The following ALCAM variants were observed in gnomAD, a reference collection of about 807,000 sequenced individuals.
The protein encoded by ALCAM is CD166 antigen.
In ALCAM, 30 loss-of-function variants were observed where a neutral mutation model predicts 70.9. That is an observed-to-expected ratio of 0.42 (90% CI 0.32 to 0.57). The LOEUF (loss-of-function observed/expected upper bound fraction) is 0.57. ALCAM is among the 20% of genes least tolerant of loss of function. The pLI is 0.11. For missense variants in ALCAM, 591 were observed against 695.1 expected (o/e 0.85, Z 1.68); for synonymous variants, 249 against 242.5 (o/e 1.03, Z -0.25).
intron 6 of ALCAM, among the ~76,000 whole-genome samples, chr3:105,537,707 T>A (rs1027051591): frequency 2.6e-5 from 4 of 152,160 alleles, no homozygotes; most frequent in African/African-American, 7.2e-5. Context: ...TAGTCTCATG[T>A]AATGATGGCT....
intron 7 of ALCAM, 90 bp from the exon 8 acceptor site, chr3:105,541,543 C>T: frequency 2.9e-6 from 4 of 1,363,560 alleles, no homozygotes; most frequent in South Asian, 2.9e-5. Context: ...TTTTATCTTA[C>T]TTGATAAAAT....
rs1935246267 is a variant in ALCAM, at chr3:105,371,923, A to G, written c.73+4442A>G. 1.3e-5 allele frequency among the ~76,000 whole-genome samples: 2 copies of G among 152,196 alleles called. 1 individual carries two copies. The highest frequency in any genetic ancestry group is 4.1e-4 in the South Asian group (2 of 4,836). ...TTATTCTTCATTGTTAAGTATTCAC[A>G]GAGGCTAATCTCATTTCTTACACAT... On this transcript the variant is annotated intron_variant, in intron 1 of 15. Transcript: ENST00000306107.
At chr3:105,504,194 A>G (rs1199387629) in intron 1 of ALCAM, among the ~76,000 whole-genome samples, 4 of 152,250 alleles carry the variant, frequency 2.6e-5, no homozygotes, top group Admixed American at 6.5e-5. Flanking sequence ...CCACTGCTCA[A>G]ACCTCTAGGG....
intron 3 of ALCAM, 26 bp downstream of exon 3, chr3:105,524,534 G>C: frequency 1.9e-6 from 3 of 1,613,294 alleles, no homozygotes; most frequent in Non-Finnish European, 2.5e-6. Context: ...CAGTGTCACT[G>C]CTAAGTGGGA....
At chr3:105,471,389 T>C (rs758908117) in intron 1 of ALCAM, among the ~76,000 whole-genome samples, 2 of 151,226 alleles carry the variant, frequency 1.3e-5, no homozygotes, top group Non-Finnish European at 3.0e-5. Flanking sequence ...CTGATTATTA[T>C]CCCACAAAAA....
chr3:105,561,028 C>G (rs1488326902), intron 14 of ALCAM, among the ~76,000 whole-genome samples: 1 of 152,150 alleles, frequency 6.6e-6, no homozygotes, highest in Non-Finnish European at 1.5e-5. Context: ...AATCCATGAT[C>G]ATATATCTCC....
At chr3:105,380,608 A>G (rs1401026142) in intron 1 of ALCAM, among the ~76,000 whole-genome samples, 1 of 151,942 alleles carries the variant, frequency 6.6e-6, no homozygotes, top group Non-Finnish European at 1.5e-5. Context: ...AAGTCTAATT[A>G]AGGAAAAAAA....
rs972880774 is a variant in ALCAM at position 105,552,665 on chromosome 3, A to G, written c.1664+80A>G. On this transcript the variant is annotated intron_variant, in intron 14 of 15. Coordinates refer to ENST00000306107, the MANE Select transcript of ALCAM (RefSeq NM_001627.4). ...ACAATGTGCTAATTTTGCTCACTCC[A>G]GTCGTGCATATAATTTATACAATAA... 129 of 1,599,440 alleles carry G rather than the reference A, an allele frequency of 8.1e-5. 1 individual carries two copies. The highest frequency in any genetic ancestry group is 9.8e-5 in the Non-Finnish European group (115 of 1,171,204).
intron 1 of ALCAM, among the ~76,000 whole-genome samples, chr3:105,494,089 C>T (rs775177981): frequency 1.3e-5 from 2 of 152,070 alleles, no homozygotes; most frequent in Non-Finnish European, 2.9e-5. Flanking sequence ...TTCATTTCCT[C>T]TACCGTAGAA....
intron 1 of ALCAM, among the ~76,000 whole-genome samples, chr3:105,387,180 G>T (rs535268961): frequency 6.6e-6 from 1 of 151,472 alleles, no homozygotes; most frequent in South Asian, 2.1e-4. Flanking sequence ...TGAGGTTGCT[G>T]CTATAGGGAA....
chr3:105,571,737 G>A lies in ALCAM; in HGVS notation c.1665-115G>A, dbSNP rs149403598. On this transcript the variant is annotated intron_variant, in intron 14 of 15. Coordinates refer to ENST00000306107, the MANE Select transcript of ALCAM (RefSeq NM_001627.4). ...ACAGATATGGAAATTTTTGCCTAGC[G>A]GTTTGCTGTAAAACATTTGCTTTTC... The A allele has an allele frequency of 3.8e-3, 2,870 of 763,392 alleles. 14 individuals carry two copies. The highest frequency in any genetic ancestry group is 3.9e-3 in the Non-Finnish European group (1,936 of 491,394). 47.3% of individuals were successfully genotyped at this position (763,392 alleles called of 1,614,324 possible). A position where few individuals can be genotyped will look rare whatever the true frequency, so the allele number is the denominator to read the frequency against.
At chr3:105,394,365 A>G (rs1047650789) in intron 1 of ALCAM, among the ~76,000 whole-genome samples, 7 of 151,934 alleles carry the variant, frequency 4.6e-5, no homozygotes, top group African/African-American at 1.7e-4. Context: ...ATGTTGAGGT[A>G]CTTATCTCCT....
At chr3:105,519,227 C>A (rs1939467218) in intron 1 of ALCAM, among the ~76,000 whole-genome samples, 2 of 151,694 alleles carry the variant, frequency 1.3e-5, no homozygotes, top group East Asian at 1.9e-4. Flanking sequence ...GTTTTTTTAA[C>A]CTTCATAAAT....
At chr3:105,447,096 A>G (rs1384376732) in intron 1 of ALCAM, among the ~76,000 whole-genome samples, 1 of 152,204 alleles carries the variant, frequency 6.6e-6, no homozygotes, top group Non-Finnish European at 1.5e-5. Context: ...GTATACATGT[A>G]TCACAACATC....
At chr3:105,417,180 G>T (rs182424853) in intron 1 of ALCAM, among the ~76,000 whole-genome samples, 5 of 151,554 alleles carry the variant, frequency 3.3e-5, no homozygotes, top group African/African-American at 7.3e-5. Context: ...TTCCAGGAAG[G>T]CTCTTATGTC....
intron 1 of ALCAM, among the ~76,000 whole-genome samples, chr3:105,489,275 T>G (rs1356918385): frequency 2.0e-5 from 3 of 152,154 alleles, no homozygotes; most frequent in Non-Finnish European, 4.4e-5. Flanking sequence ...GAGGGTGCGG[T>G]GCCGAGATTT....
At chr3:105,438,693 T>C (rs1294977445) in intron 1 of ALCAM, among the ~76,000 whole-genome samples, 1 of 152,192 alleles carries the variant, frequency 6.6e-6, no homozygotes, top group Non-Finnish European at 1.5e-5. Flanking sequence ...GTCTCTGTGA[T>C]GAAGCAATCA....
chr3:105,564,804 G>C (rs77025854), intron 14 of ALCAM, among the ~76,000 whole-genome samples: 1 of 152,176 alleles, frequency 6.6e-6, no homozygotes, highest in Admixed American at 6.5e-5. Context: ...CCACCACTTC[G>C]GGAGGCCGAG....
chr3:105,461,581 G>A (rs1284948660), intron 1 of ALCAM, among the ~76,000 whole-genome samples: 1 of 151,820 alleles, frequency 6.6e-6, no homozygotes, highest in Non-Finnish European at 1.5e-5. Flanking sequence ...ATTATGTGAA[G>A]AAGTGGGGCT....
Sources: gnomAD v4.1 joint callset for allele counts (sites outside exome capture counted in the v4.1 genomes callset) on GRCh38, gnomAD v4.1.1 for gene constraint, MANE v1.5 for transcripts, NCBI Gene and HGNC (gene_info 2026-07-23, HGNC 2026-07-21) for gene names.